The following ALK variants were observed in gnomAD, a reference collection of about 807,000 sequenced individuals.
The protein encoded by ALK is ALK tyrosine kinase receptor.
In ALK, 74 loss-of-function variants were observed where a neutral mutation model predicts 163.1. The observed-to-expected ratio is 0.45, with a 90% confidence interval of 0.38 to 0.55. The LOEUF (loss-of-function observed/expected upper bound fraction) is 0.55, where lower values mean the gene tolerates loss of function less well. Among genes scored for constraint, ALK ranks in the 20% least tolerant of loss-of-function variants. The probability of loss-of-function intolerance (pLI) is 0.00; values close to 1 mark genes in which losing one functional copy is unlikely to be tolerated. For missense variants in ALK, 2,063 were observed against 2,105.3 expected (o/e 0.98, Z 0.39); for synonymous variants, 960 against 843.2 (o/e 1.14, Z -2.40).
At chr2:29,801,789 C>G (rs1558494295) in intron 1 of ALK, among the ~76,000 whole-genome samples, 2 of 152,122 alleles carry the variant, frequency 1.3e-5, no homozygotes, top group Non-Finnish European at 2.9e-5. Context: ...GAAATGGAGG[C>G]TGAGAAATCA....
chr2:29,202,719 GTCT>G (rs1338114761), intron 26 of ALK, among the ~76,000 whole-genome samples: 4 of 152,328 alleles, frequency 2.6e-5, no homozygotes, highest in South Asian at 2.1e-4. Context: ...TATGTAGGTT[GTCT>G]TCTTTTATAC....
At chr2:29,700,628 A>ATG (rs374988444) in intron 2 of ALK, among the ~76,000 whole-genome samples, 11 of 151,946 alleles carry the variant, frequency 7.2e-5, no homozygotes, top group African/African-American at 2.4e-4. Context: ...ACACACCTGC[A>ATG]TGTGTGTGTG....
chr2:29,223,239 G>A (rs2148170283), intron 20 of ALK, 103 bp downstream of exon 20: 1 of 1,300,828 alleles, frequency 7.7e-7, no homozygotes, highest in Non-Finnish European at 1.1e-6. Context: ...CCATAGGGAG[G>A]GCTCTGCCGG....
intron 1 of ALK, among the ~76,000 whole-genome samples, chr2:29,842,097 T>A (rs554613665): frequency 2.0e-5 from 3 of 152,174 alleles, no homozygotes; most frequent in Admixed American, 2.0e-4. Context: ...CCTTCTCTTT[T>A]TTCAAACCAA....
At chr2:29,686,876 A>G (rs1678257354) in intron 3 of ALK, among the ~76,000 whole-genome samples, 1 of 152,216 alleles carries the variant, frequency 6.6e-6, no homozygotes, top group Non-Finnish European at 1.5e-5. Context: ...TAGTTGTATC[A>G]GAATCACATT....
intron 1 of ALK, chr2:29,892,461 T>C (rs1667168096): frequency 6.6e-6 from 1 of 152,244 alleles, no homozygotes; most frequent in African/African-American, 2.4e-5. Context: ...TGTTGGACTG[T>C]GATTTCTGAA....
At chr2:29,524,524 T>C (rs1042998283) in intron 4 of ALK, among the ~76,000 whole-genome samples, 1 of 152,252 alleles carries the variant, frequency 6.6e-6, no homozygotes, top group African/African-American at 2.4e-5. Flanking sequence ...TTTACTCTTC[T>C]ATAAAGGAGG....
At chr2:29,354,767 CTTTTTTT>C (rs763001304) in intron 5 of ALK, among the ~76,000 whole-genome samples, 3 of 138,484 alleles carry the variant, frequency 2.2e-5, no homozygotes, top group South Asian at 2.3e-4. Context: ...TTTTCTTTTT[CTTTTTTT>C]TTTTTTTTTT....
chr2:29,292,345 A>G (rs778403119), intron 9 of ALK, among the ~76,000 whole-genome samples: 6 of 152,220 alleles, frequency 3.9e-5, no homozygotes, highest in Non-Finnish European at 8.8e-5. Flanking sequence ...AAAGCTTAGG[A>G]TAGTGTGGGA....
chr2:29,698,906 T>G (rs1678649664), intron 2 of ALK, among the ~76,000 whole-genome samples: 2 of 152,250 alleles, frequency 1.3e-5, no homozygotes, highest in East Asian at 3.8e-4. Context: ...TTTTCTACAT[T>G]CTGATTTAAT....
chr2:29,305,345 C>T (rs985706363), intron 8 of ALK, among the ~76,000 whole-genome samples: 4 of 152,054 alleles, frequency 2.6e-5, no homozygotes, highest in African/African-American at 7.2e-5. Context: ...AGTAATGACC[C>T]GAGGATGTAT....
intron 3 of ALK, among the ~76,000 whole-genome samples, chr2:29,608,274 T>C (rs1317869097): frequency 2.0e-5 from 3 of 152,236 alleles, no homozygotes; most frequent in Non-Finnish European, 2.9e-5. Flanking sequence ...TAGCTGTCTG[T>C]CTTCCCTCAC....
rs147842434 is a variant in ALK at position 29,233,595 on chromosome 2, T to C, written c.2457A>G (p.Gly819=). The C allele has an allele frequency of 5.0e-6, 8 of 1,614,040 alleles. No homozygotes were observed. The highest frequency in any genetic ancestry group is 5.9e-6 in the Non-Finnish European group (7 of 1,180,020). The change falls in exon 14 of 29, where the codon GGA becomes GGG. Residue 819 remains glycine, a synonymous_variant. Transcript: ENST00000389048. ...RSVHEWAGGG[G]GGGGATYVFK... ...ATACGTAGGTGGCTCCACCCCCTCC[T>C]CCTCCGCCTCCTGCCCACTCATGCA... is the stretch of plus-strand genomic sequence containing the variant.
chr2:29,787,367 T>G lies in ALK; in HGVS notation c.668-69670A>C, dbSNP rs138796289. Among the ~76,000 whole-genome samples, 277 of 152,346 alleles carry G rather than the reference T, an allele frequency of 1.8e-3. 5 individuals carry two copies. Among genetic ancestry groups the G allele is most frequent in the African/African-American group, 6.5e-3 (270 of 41,584 alleles). On this transcript the variant is annotated intron_variant, in intron 1 of 28. Transcript: ENST00000389048. ...TATTCCTTAAGCTACTTAATGTTTTTCTATGACTGAGCCAAAAGTCACAAA... is the reference window on the plus strand; with the variant it reads ...TATTCCTTAAGCTACTTAATGTTTTGCTATGACTGAGCCAAAAGTCACAAA...
chr2:29,520,084 G>A (rs1672772176), intron 4 of ALK, among the ~76,000 whole-genome samples: 1 of 152,188 alleles, frequency 6.6e-6, no homozygotes. Context: ...AAATAGCTCA[G>A]GAAATTAGAG....
intron 4 of ALK, among the ~76,000 whole-genome samples, chr2:29,440,073 G>GA (rs556413503): frequency 1.4e-4 from 20 of 145,862 alleles, no homozygotes; most frequent in East Asian, 4.1e-4. Flanking sequence ...CTCTACTAAA[G>GA]AAAAAAAAAA....
chr2:29,669,713 T>C (rs764566324), intron 3 of ALK, among the ~76,000 whole-genome samples: 1 of 152,066 alleles, frequency 6.6e-6, no homozygotes, highest in Non-Finnish European at 1.5e-5. Context: ...TTTTCTCTGG[T>C]AGTGTGTTTT....
chr2:29,674,792 A>C (rs1558436475), intron 3 of ALK, among the ~76,000 whole-genome samples: 1 of 145,962 alleles, frequency 6.9e-6, no homozygotes, highest in Non-Finnish European at 1.5e-5. Flanking sequence ...TCGGCTGTGA[A>C]TCCATCTGGT....
chr2:29,548,513 G>A (rs1347449937), intron 3 of ALK, among the ~76,000 whole-genome samples: 1 of 144,834 alleles, frequency 6.9e-6, no homozygotes, highest in Admixed American at 7.0e-5. Context: ...GGTGTCATTG[G>A]ATATCTATGC....
Sources: allele counts gnomAD v4.1 joint callset (sites outside exome capture counted in the v4.1 genomes callset), GRCh38; gene constraint gnomAD v4.1.1; transcripts MANE v1.5; gene names NCBI Gene and HGNC (gene_info 2026-07-23, HGNC 2026-07-21).